UNC5B: variants seen among roughly 807,000 people sequenced by gnomAD.
The protein encoded by UNC5B is unc-5 netrin receptor B, also known as netrin receptor UNC5B.
In UNC5B, 56 loss-of-function variants were observed where a neutral mutation model predicts 103.7. That is an observed-to-expected ratio of 0.54 (90% CI 0.44 to 0.67). UNC5B has a LOEUF of 0.67. Ranked by LOEUF, UNC5B falls within the 30% of genes least tolerant of loss-of-function variation. The probability of loss-of-function intolerance (pLI) is 0.00; values close to 1 mark genes in which losing one functional copy is unlikely to be tolerated. For missense variants in UNC5B, 1,194 were observed against 1,284.5 expected (o/e 0.93, Z 1.08); for synonymous variants, 577 against 542.0 (o/e 1.06, Z -0.90).
Position 71,288,800 on chromosome 10 carries a change from C to T in UNC5B, c.1066+68C>T, listed in dbSNP as rs980751372. 17 of 1,542,936 alleles carry T rather than the reference C, an allele frequency of 1.1e-5. No individual in the cohort carries two copies. The Admixed American group carries it at 1.2e-4, about 11-fold the overall frequency. ...GAGCCATGTAAGGGTCCCCCAAACC[C>T]GGCCCCATGCCTCAGTGCCCAGCCT... On this transcript the variant is annotated intron_variant, in intron 7 of 16. Transcript: ENST00000335350.
chr10:71,266,109 T>C (rs1448301686), intron 1 of UNC5B, among the ~76,000 whole-genome samples: 2 of 152,014 alleles, frequency 1.3e-5, no homozygotes, highest in Non-Finnish European at 2.9e-5. Context: ...TCCTTATCCC[T>C]CCTCAAGAAA....
At chr10:71,252,395 G>A (rs571448530) in intron 1 of UNC5B, among the ~76,000 whole-genome samples, 1 of 152,290 alleles carries the variant, frequency 6.6e-6, no homozygotes, top group South Asian at 2.1e-4. Flanking sequence ...GTTAATAGCA[G>A]CCACGCCCTC....
chr10:71,291,451 C>T lies in UNC5B; in HGVS notation c.1314C>T (p.His438=). 1 of 1,611,218 alleles carries T rather than the reference C, an allele frequency of 6.2e-7. No individual in the cohort carries two copies. The highest frequency in any genetic ancestry group is 2.2e-5 in the East Asian group (1 of 44,870). Residue 438 remains histidine, a synonymous_variant, in exon 10 of 17, where the codon CAC becomes CAT. Coordinates refer to ENST00000335350, the MANE Select transcript of UNC5B (RefSeq NM_170744.5). Reference sequence around the variant, plus strand: ...CTGCAGGCAACCCGCAGCTCCTACACCCCTCTGTGCCTCCTGACCTGACAG... The same window carrying T: ...CTGCAGGCAACCCGCAGCTCCTACATCCCTCTGTGCCTCCTGACCTGACAG... ...TARPSNPQLL[H]PSVPPDLTAS...
Position 71,299,226 on chromosome 10 carries a change from G to C in UNC5B, c.2787G>C (p.Glu929Asp), listed in dbSNP as rs139967569. ...DLNSLASALE[E>D]MGKSEMLVAV... ...ACAGCCTGGCGAGTGCCTTGGAGGA[G>C]ATGGGCAAGAGTGAGATGCTGGTGG... is the stretch of plus-strand genomic sequence containing the variant. Residue 929 changes from glutamate to aspartate, a missense_variant, in exon 17 of 17, where the codon GAG (glutamate) becomes GAC (aspartate). Glu to Asp is a conservative substitution (Grantham distance 45, BLOSUM62 2). Transcript: ENST00000335350. 1 of 1,614,142 alleles carries C rather than the reference G, an allele frequency of 6.2e-7. No homozygotes were observed. Among genetic ancestry groups the C allele is most frequent in the African/African-American group, 1.3e-5 (1 of 74,962 alleles).
At chr10:71,242,418 C>T (rs937965299) in intron 1 of UNC5B, among the ~76,000 whole-genome samples, 8 of 152,160 alleles carry the variant, frequency 5.3e-5, no homozygotes, top group African/African-American at 1.9e-4. Flanking sequence ...GAGAGCCTGG[C>T]GTGGGCTTCT....
In UNC5B at chr10:71,293,705, G is replaced by GGT; in HGVS notation, c.1949_1950dup (p.Thr651Ter). On this transcript the variant is annotated frameshift_variant, in exon 13 of 17. Coordinates refer to ENST00000335350, the MANE Select transcript of UNC5B (RefSeq NM_170744.5). LOFTEE classifies it high-confidence loss of function. ...ACCCTTGCTGTCCCCTACAGGAGGT[G>GGT]GTGACCCTGGATGAGGAGACCCTGA... 1 of 1,591,552 alleles carries GGT rather than the reference G, an allele frequency of 6.3e-7. No individual in the cohort carries two copies. Among genetic ancestry groups the GGT allele is most frequent in the Non-Finnish European group, 8.6e-7 (1 of 1,168,588 alleles).
intron 1 of UNC5B, among the ~76,000 whole-genome samples, chr10:71,236,404 T>A (rs1453496357): frequency 6.6e-6 from 1 of 152,194 alleles, no homozygotes; most frequent in Non-Finnish European, 1.5e-5. Flanking sequence ...TGCAAGATCA[T>A]TTTTTATGGC....
At chr10:71,231,647 A>G (rs115179982) in intron 1 of UNC5B, among the ~76,000 whole-genome samples, 1 of 151,328 alleles carries the variant, frequency 6.6e-6, no homozygotes, top group African/African-American at 2.4e-5. Context: ...AAATCTTAAG[A>G]GTTTTTTTTT....
chr10:71,292,121 T>TA (rs1211430801), intron 10 of UNC5B, among the ~76,000 whole-genome samples: 1 of 152,200 alleles, frequency 6.6e-6, no homozygotes, highest in Non-Finnish European at 1.5e-5. Flanking sequence ...TACAAAGCAC[T>TA]GTCCTGGAAC....
At chr10:71,276,406 G>A (rs1287215158) in intron 1 of UNC5B, among the ~76,000 whole-genome samples, 4 of 152,114 alleles carry the variant, frequency 2.6e-5, no homozygotes, top group Non-Finnish European at 1.5e-5. Context: ...TCAGTCACTG[G>A]GGCCCAAGCC....
chr10:71,299,644 TC>T lies in UNC5B; in HGVS notation c.*369del, dbSNP rs1432061862. 3 of 154,666 alleles carry T rather than the reference TC, an allele frequency of 1.9e-5. No individual in the cohort carries two copies. The highest frequency in any genetic ancestry group is 3.3e-5 in the Non-Finnish European group (3 of 90,340). The allele number at this position is 154,666 out of a possible 1,614,324, so 9.6% of individuals were successfully genotyped here. On this transcript the variant is annotated 3_prime_UTR_variant, in exon 17 of 17. Transcript: ENST00000335350. ...ACTTCTGGGTTCCATGGGTTTTAGT[TC>T]CGTTCTCGTTTTCTTCCTCCGTTAT...
At chr10:71,225,123 G>A (rs1415397772) in intron 1 of UNC5B, among the ~76,000 whole-genome samples, 1 of 152,218 alleles carries the variant, frequency 6.6e-6, no homozygotes, top group Non-Finnish European at 1.5e-5. Context: ...GGCCAAATCT[G>A]TCTCTGTGTG....
chr10:71,229,121 G>A (rs927614730), intron 1 of UNC5B, among the ~76,000 whole-genome samples: 1 of 152,206 alleles, frequency 6.6e-6, no homozygotes, highest in African/African-American at 2.4e-5. Flanking sequence ...CTCCACCAAC[G>A]TGATTGTTGT....
At chr10:71,257,779 C>T (rs1341089339) in intron 1 of UNC5B, among the ~76,000 whole-genome samples, 1 of 152,246 alleles carries the variant, frequency 6.6e-6, no homozygotes, top group African/African-American at 2.4e-5. Context: ...AGAGGAACCT[C>T]TGTCCCCTCC....
rs578142920 is a variant in UNC5B, at chr10:71,233,907, A to G, written c.79+20843A>G. Among the ~76,000 whole-genome samples the G allele has an allele frequency of 3.3e-3, 503 of 152,360 alleles. 2 individuals are homozygous for G. The highest frequency in any genetic ancestry group is 6.0e-3 in the Non-Finnish European group (411 of 68,040). On this transcript the variant is annotated intron_variant, in intron 1 of 16. Coordinates refer to ENST00000335350, the MANE Select transcript of UNC5B (RefSeq NM_170744.5). The stretch of plus-strand genomic sequence containing the variant: ...CTAACTGCTCTTGGCTGAGGCCGCC[A>G]GGAGATTAGAAACAGGGTCCACAAA...
At chr10:71,234,552 C>G (rs1589155392) in intron 1 of UNC5B, among the ~76,000 whole-genome samples, 1 of 152,218 alleles carries the variant, frequency 6.6e-6, no homozygotes, top group East Asian at 1.9e-4. Flanking sequence ...GTGTGAGAAC[C>G]AGCAGGGAGC....
chr10:71,231,164 G>T (rs1478180817), intron 1 of UNC5B, among the ~76,000 whole-genome samples: 1 of 152,186 alleles, frequency 6.6e-6, no homozygotes, highest in Non-Finnish European at 1.5e-5. Context: ...TAGCCCAGCA[G>T]CCTATAGAAT....
rs1482992732 is a variant in UNC5B at position 71,301,848 on chromosome 10, C to G, written c.*2571C>G. 6.6e-6 allele frequency: 1 copy of G among 152,224 alleles called. No homozygotes were observed. Among genetic ancestry groups the G allele is most frequent in the Non-Finnish European group, 1.5e-5 (1 of 68,046 alleles). 9.4% of individuals were successfully genotyped at this position (152,224 alleles called of 1,614,324 possible). On this transcript the variant is annotated 3_prime_UTR_variant, in exon 17 of 17. Coordinates refer to ENST00000335350, the MANE Select transcript of UNC5B (RefSeq NM_170744.5). The stretch of plus-strand genomic sequence containing the variant: ...CACTGTTCTAGGCTTCTGTAGGGGA[C>G]CTTGTGATCTGCCGTGCCCCTCCTC...
intron 1 of UNC5B, among the ~76,000 whole-genome samples, chr10:71,274,371 A>T (rs1844718558): frequency 6.6e-6 from 1 of 152,136 alleles, no homozygotes; most frequent in South Asian, 2.1e-4. Context: ...AAAAAAAAAA[A>T]AATAAAATAA....
Sources: allele counts gnomAD v4.1 joint callset (sites outside exome capture counted in the v4.1 genomes callset), GRCh38; gene constraint gnomAD v4.1.1; transcripts MANE v1.5; gene names NCBI Gene and HGNC (gene_info 2026-07-23, HGNC 2026-07-21).